The following PDE4D variants were observed in gnomAD, a reference collection of about 807,000 sequenced individuals.
PDE4D encodes the protein 3',5'-cyclic-AMP phosphodiesterase 4D.
A neutral mutation model predicts 87.4 loss-of-function variants in PDE4D; 24 were observed. The observed-to-expected ratio is 0.27, with a 90% confidence interval of 0.20 to 0.39. The LOEUF (loss-of-function observed/expected upper bound fraction) is 0.39. Among genes scored for constraint, PDE4D ranks in the 10% least tolerant of loss-of-function variants. PDE4D has a pLI of 1.00. For missense variants in PDE4D, 714 were observed against 1,041.0 expected, an observed-to-expected ratio of 0.69 and a Z score of 4.32; for synonymous variants, 384 against 383.2, an observed-to-expected ratio of 1.00 and a Z score of -0.02.
intron 5 of PDE4D, among the ~76,000 whole-genome samples, chr5:59,098,816 T>C (rs567601024): frequency 2.0e-5 from 3 of 152,200 alleles, no homozygotes; most frequent in Admixed American, 2.0e-4. Context: ...CCTATTATCT[T>C]TCTGATCCAC....
At chr5:60,313,085 T>C (rs935381151) in intron 1 of PDE4D, among the ~76,000 whole-genome samples, 2 of 151,426 alleles carry the variant, frequency 1.3e-5, no homozygotes, top group Non-Finnish European at 2.9e-5. Context: ...CAGAACAGAA[T>C]TGAATGAAAT....
intron 5 of PDE4D, among the ~76,000 whole-genome samples, chr5:59,055,004 TA>T (rs2153407128): frequency 1.3e-5 from 2 of 152,314 alleles, no homozygotes; most frequent in East Asian, 3.9e-4. Context: ...AATTTCTCCA[TA>T]ATGTGTGAGT....
chr5:60,447,032 G>A (rs766530008), intron 1 of PDE4D, among the ~76,000 whole-genome samples: 39 of 152,120 alleles, frequency 2.6e-4, no homozygotes, highest in African/African-American at 4.6e-4. Flanking sequence ...TCAGATGGAC[G>A]GCCTGATGGC....
At chr5:58,981,096 C>T (rs1745019940) in intron 11 of PDE4D, among the ~76,000 whole-genome samples, 2 of 152,132 alleles carry the variant, frequency 1.3e-5, no homozygotes, top group South Asian at 4.1e-4. Context: ...ATCAGTCTAC[C>T]AATTCAAATG....
chr5:59,456,236 G>A (rs141644247), intron 1 of PDE4D, among the ~76,000 whole-genome samples: 2,337 of 152,290 alleles, frequency 0.015, 78 homozygotes, highest in African/African-American at 0.054. Flanking sequence ...CCCATGTGTC[G>A]TGGGGGAAAC....
chr5:60,265,891 T>C (rs12516794), intron 1 of PDE4D, among the ~76,000 whole-genome samples: 56,774 of 151,938 alleles, frequency 0.37, 11,113 homozygotes, highest in Admixed American at 0.44. Flanking sequence ...CACTACAAAG[T>C]CAATAAAGAC....
chr5:59,210,024 G>A (rs1179901030), intron 2 of PDE4D, among the ~76,000 whole-genome samples: 1 of 152,236 alleles, frequency 6.6e-6, no homozygotes, highest in African/African-American at 2.4e-5. Flanking sequence ...AGGGTGAGGG[G>A]TGAGGATACC....
At chr5:59,441,914 C>G (rs1054657598) in intron 1 of PDE4D, among the ~76,000 whole-genome samples, 1 of 152,182 alleles carries the variant, frequency 6.6e-6, no homozygotes, top group Non-Finnish European at 1.5e-5. Context: ...AGTCTTTACT[C>G]AGTATTCTTT....
At chr5:59,387,342 A>G (rs1787278592) in intron 1 of PDE4D, among the ~76,000 whole-genome samples, 1 of 152,180 alleles carries the variant, frequency 6.6e-6, no homozygotes, top group Non-Finnish European at 1.5e-5. Flanking sequence ...TGATATTAGC[A>G]TTCCACAAAA....
At chr5:60,229,091 T>C (rs1470661641) in intron 1 of PDE4D, among the ~76,000 whole-genome samples, 1 of 152,122 alleles carries the variant, frequency 6.6e-6, no homozygotes, top group African/African-American at 2.4e-5. Flanking sequence ...TTTTGAAATA[T>C]CAATATTCTC....
chr5:59,532,230 G>A (rs1381534534), intron 1 of PDE4D, among the ~76,000 whole-genome samples: 1 of 152,094 alleles, frequency 6.6e-6, no homozygotes, highest in Non-Finnish European at 1.5e-5. Flanking sequence ...TGCCTCCTGG[G>A]TTCAAGCCAT....
intron 2 of PDE4D, among the ~76,000 whole-genome samples, chr5:60,123,347 A>C (rs1778853145): frequency 6.6e-6 from 1 of 152,148 alleles, no homozygotes; most frequent in Non-Finnish European, 1.5e-5. Context: ...GGGAAGAAAA[A>C]GTGGTTTAAT....
At chr5:59,838,540 G>T (rs1159274310) in intron 1 of PDE4D, among the ~76,000 whole-genome samples, 1 of 152,034 alleles carries the variant, frequency 6.6e-6, no homozygotes, top group Non-Finnish European at 1.5e-5. Flanking sequence ...GGCTAGTTTT[G>T]ATTCCTCTCT....
intron 2 of PDE4D, among the ~76,000 whole-genome samples, chr5:60,093,531 C>CA (rs1775356590): frequency 6.6e-6 from 1 of 152,134 alleles, no homozygotes; most frequent in African/African-American, 2.4e-5. Flanking sequence ...AATCAGGCTT[C>CA]AGAGATGAAC....
chr5:59,879,491 G>A (rs1581562663), intron 1 of PDE4D, among the ~76,000 whole-genome samples: 1 of 152,186 alleles, frequency 6.6e-6, no homozygotes, highest in East Asian at 1.9e-4. Context: ...GTTATATTCT[G>A]TTAAACTACT....
chr5:59,235,080 C>G (rs937533530), intron 1 of PDE4D, among the ~76,000 whole-genome samples: 1 of 152,142 alleles, frequency 6.6e-6, no homozygotes, highest in Non-Finnish European at 1.5e-5. Context: ...TTATTCTGCT[C>G]TTGGCTTCTT....
intron 1 of PDE4D, among the ~76,000 whole-genome samples, chr5:60,267,448 T>C (rs923872731): frequency 5.3e-5 from 8 of 152,242 alleles, no homozygotes; most frequent in Non-Finnish European, 1.0e-4. Flanking sequence ...CTATTTGTTA[T>C]AGATGAGAAA....
At chr5:60,034,601 G>A (rs1456589632) in intron 2 of PDE4D, among the ~76,000 whole-genome samples, 1 of 152,066 alleles carries the variant, frequency 6.6e-6, no homozygotes, top group Non-Finnish European at 1.5e-5. Context: ...AACCACATCT[G>A]CAAAGTTCCT....
intron 1 of PDE4D, among the ~76,000 whole-genome samples, chr5:60,290,621 T>C (rs1373211981): frequency 1.3e-5 from 2 of 151,942 alleles, no homozygotes; most frequent in Admixed American, 6.6e-5. Context: ...CTGGGCAACA[T>C]AGTGAAATCC....
Sources: allele counts gnomAD v4.1 joint callset (sites outside exome capture counted in the v4.1 genomes callset), GRCh38; gene constraint gnomAD v4.1.1; transcripts MANE v1.5; gene names NCBI Gene and HGNC (gene_info 2026-07-23, HGNC 2026-07-21).